The following ANK3 variants were observed in gnomAD, a reference collection of about 807,000 sequenced individuals.
ANK3 encodes ankyrin-3.
ANK3 carries 57 observed loss-of-function variants against 370.9 expected under a neutral mutation model. That is an observed-to-expected ratio of 0.15 (90% confidence interval 0.12 to 0.19). ANK3 has a LOEUF of 0.19. ANK3 is among the 10% of genes least tolerant of loss of function. The probability of loss-of-function intolerance (pLI) is 1.00; values close to 1 mark genes in which losing one functional copy is unlikely to be tolerated. For missense variants in ANK3, 4,439 were observed against 5,302.1 expected (o/e 0.84, Z 5.06); for synonymous variants, 1,929 against 1,946.3 (o/e 0.99, Z 0.23).
At chr10:60,339,739 T>G (rs1456112665) in intron 1 of ANK3, among the ~76,000 whole-genome samples, 1 of 152,172 alleles carries the variant, frequency 6.6e-6, no homozygotes, top group African/African-American at 2.4e-5. Flanking sequence ...ATTGAGGCTT[T>G]TGGTGAACAG....
chr10:60,245,864 C>T (rs2132581668), intron 7 of ANK3, among the ~76,000 whole-genome samples: 1 of 152,266 alleles, frequency 6.6e-6, no homozygotes, highest in East Asian at 1.9e-4. Context: ...ATGTGCAGGA[C>T]ATTTCTTTTT....
At chr10:60,080,487 C>T in intron 36 of ANK3, 50 bp downstream of exon 36, 1 of 1,522,168 alleles carries the variant, frequency 6.6e-7, no homozygotes, top group Non-Finnish European at 9.0e-7. Flanking sequence ...GAAAAAATGT[C>T]TCTTCTTATG....
intron 2 of ANK3, among the ~76,000 whole-genome samples, chr10:60,408,838 C>G (rs758534805): frequency 1.3e-5 from 2 of 152,278 alleles, no homozygotes; most frequent in South Asian, 2.1e-4. Flanking sequence ...TCCCCCCTCC[C>G]AAACCCCTCA....
At chr10:60,320,168 G>A (rs1029008476) in intron 1 of ANK3, among the ~76,000 whole-genome samples, 1 of 152,178 alleles carries the variant, frequency 6.6e-6, no homozygotes, top group African/African-American at 2.4e-5. Flanking sequence ...GGAGTAACTT[G>A]GAACCATTTG....
intron 1 of ANK3, among the ~76,000 whole-genome samples, chr10:60,666,837 A>C (rs2079002948): frequency 6.6e-6 from 1 of 152,150 alleles, no homozygotes; most frequent in Non-Finnish European, 1.5e-5. Flanking sequence ...GGCAAATCTT[A>C]TTCAAGATGA....
intron 2 of ANK3, among the ~76,000 whole-genome samples, chr10:60,481,136 A>G (rs1196336026): frequency 5.3e-5 from 8 of 152,162 alleles, no homozygotes; most frequent in Non-Finnish European, 1.2e-4. Flanking sequence ...TTTCTTTTAA[A>G]GATTAATCAA....
chr10:60,573,930 C>T (rs1472163335), intron 2 of ANK3, among the ~76,000 whole-genome samples: 1 of 152,066 alleles, frequency 6.6e-6, no homozygotes, highest in African/African-American at 2.4e-5. Flanking sequence ...CATTGTTATT[C>T]AGGAGACATA....
intron 8 of ANK3, among the ~76,000 whole-genome samples, chr10:60,233,786 T>G (rs889967823): frequency 3.9e-5 from 6 of 152,154 alleles, no homozygotes; most frequent in African/African-American, 1.4e-4. Context: ...AAATTTACCC[T>G]CACAATCCAT....
At chr10:60,330,158 C>T (rs573499317) in intron 1 of ANK3, among the ~76,000 whole-genome samples, 19 of 152,216 alleles carry the variant, frequency 1.2e-4, no homozygotes, top group South Asian at 6.2e-4. Context: ...AAGACTGAAA[C>T]GTAAGACCTA....
chr10:60,419,802 A>C (rs2063741873), intron 2 of ANK3, among the ~76,000 whole-genome samples: 1 of 152,182 alleles, frequency 6.6e-6, no homozygotes, highest in South Asian at 2.1e-4. Flanking sequence ...TGCAGACCTC[A>C]GTAAAACATC....
At chr10:60,434,299 T>G (rs1451768681) in intron 2 of ANK3, among the ~76,000 whole-genome samples, 1 of 152,210 alleles carries the variant, frequency 6.6e-6, no homozygotes, top group Non-Finnish European at 1.5e-5. Context: ...AATGGCCCTA[T>G]AGCATAGCCC....
At chr10:60,031,411 A>C (rs2073516093) in intron 43 of ANK3, among the ~76,000 whole-genome samples, 1 of 152,146 alleles carries the variant, frequency 6.6e-6, no homozygotes, top group African/African-American at 2.4e-5. Flanking sequence ...AGAGGTTTTC[A>C]TACTTTTGTG....
intron 1 of ANK3, among the ~76,000 whole-genome samples, chr10:60,662,878 A>C (rs532924651): frequency 8.5e-4 from 129 of 152,304 alleles, no homozygotes; most frequent in African/African-American, 3.0e-3. Context: ...CAATTAAACT[A>C]TCCCAGAACT....
intron 1 of ANK3, among the ~76,000 whole-genome samples, chr10:60,693,538 T>C (rs957470760): frequency 3.2e-4 from 49 of 152,316 alleles, no homozygotes; most frequent in Admixed American, 1.8e-3. Context: ...TCTCCCAGTA[T>C]GCAGCTGGAG....
chr10:60,166,735 T>C lies in ANK3; in HGVS notation c.2552-82A>G, dbSNP rs574083554. 34 of 1,584,732 alleles carry C rather than the reference T, an allele frequency of 2.1e-5. No homozygotes were observed. The African/African-American group carries it at 3.4e-4, about 16-fold the overall frequency. ...CAACAAAACGTTTCAATATTCCTGA[T>C]AAACATTTTTGCAATGGACTTTCTT... On this transcript the variant is annotated intron_variant, in intron 22 of 43. Coordinates refer to ENST00000280772, the MANE Select transcript of ANK3 (RefSeq NM_020987.5).
chr10:60,699,898 C>T (rs376518063), intron 1 of ANK3, among the ~76,000 whole-genome samples: 1 of 152,054 alleles, frequency 6.6e-6, no homozygotes, highest in African/African-American at 2.4e-5. Context: ...TGTTTAAATT[C>T]GTGATACAAA....
chr10:60,074,598 A>G lies in ANK3; in HGVS notation c.6283T>C (p.Leu2095=). The G allele has an allele frequency of 6.2e-7, 1 of 1,614,156 alleles. No homozygotes were observed. The change falls in exon 37 of 44, where the codon TTG becomes CTG. Residue 2095 remains leucine (L), a synonymous_variant. Coordinates refer to ENST00000280772, the MANE Select transcript of ANK3 (RefSeq NM_020987.5). ...AAAAAGGAATCAGCCATTTTACACA[A>G]TTCTTTCTCAGAGGTGGAAGTCCTC... The part of the protein sequence containing the change: ...SMRTSTSEKE[L]CKMADSFFGT...
At chr10:60,311,459 T>C (rs1038349855) in intron 1 of ANK3, among the ~76,000 whole-genome samples, 1 of 130,326 alleles carries the variant, frequency 7.7e-6, no homozygotes, top group African/African-American at 3.0e-5. Context: ...ACTAAGTAAT[T>C]GGGTATATGG....
intron 18 of ANK3, among the ~76,000 whole-genome samples, chr10:60,178,552 T>C (rs1465170982): frequency 1.3e-5 from 2 of 152,220 alleles, no homozygotes; most frequent in African/African-American, 2.4e-5. Context: ...GACTTTGTTA[T>C]TATAATACTA....
Sources: gnomAD v4.1 joint callset for allele counts (sites outside exome capture counted in the v4.1 genomes callset) on GRCh38, gnomAD v4.1.1 for gene constraint, MANE v1.5 for transcripts, NCBI Gene and HGNC (gene_info 2026-07-23, HGNC 2026-07-21) for gene names.